Variants in FBN2 observed in about 807,000 individuals in gnomAD.
FBN2 encodes the protein fibrillin-2.
FBN2 carries 105 observed loss-of-function variants against 355.6 expected under a neutral mutation model. The observed-to-expected ratio is 0.30, with a 90% confidence interval of 0.25 to 0.35. The LOEUF (loss-of-function observed/expected upper bound fraction) is 0.35, where lower values mean the gene tolerates loss of function less well. Among genes scored for constraint, FBN2 ranks in the 10% least tolerant of loss-of-function variants. The pLI, the probability that FBN2 is intolerant of heterozygous loss-of-function variation, is 1.00. For synonymous variants in FBN2, 1,350 were observed against 1,301.2 expected (o/e 1.04, Z -0.81); for missense variants, 3,280 against 3,758.7 (o/e 0.87, Z 3.33).
rs187989192 is a variant in FBN2 at position 128,444,531 on chromosome 5, C to T, written c.952+1950G>A. ...CACTACTTCTTCCAATTCTGCTATT[C>T]CCCACCAATCCCAAATATTAAATCA... On this transcript the variant is annotated intron_variant, in intron 7 of 64. Coordinates refer to ENST00000262464, the MANE Select transcript of FBN2 (RefSeq NM_001999.4). 1.1e-4 allele frequency among the ~76,000 whole-genome samples: 16 copies of T among 152,326 alleles called. No homozygotes were observed. In the East Asian group the frequency reaches 2.9e-3, roughly 28 times the overall value.
intron 64 of FBN2, among the ~76,000 whole-genome samples, chr5:128,261,238 C>T (rs1020177182): frequency 2.0e-5 from 3 of 152,082 alleles, no homozygotes; most frequent in Non-Finnish European, 4.4e-5. Flanking sequence ...ATCAGTGGCT[C>T]GCAATTTCCA....
intron 12 of FBN2, 132 bp downstream of exon 12, chr5:128,378,639 G>A: frequency 2.2e-6 from 2 of 925,758 alleles, no homozygotes; most frequent in Middle Eastern, 4.3e-4. Flanking sequence ...ATCTCTGAGG[G>A]TATTACAAAT....
intron 8 of FBN2, among the ~76,000 whole-genome samples, chr5:128,400,532 T>C (rs898017002): frequency 1.8e-4 from 27 of 152,176 alleles, no homozygotes; most frequent in Admixed American, 1.4e-3. Flanking sequence ...TGGATATATC[T>C]ACAATCTGGC....
chr5:128,535,771 G>A (rs1237711540), intron 2 of FBN2, among the ~76,000 whole-genome samples: 1 of 150,800 alleles, frequency 6.6e-6, no homozygotes, highest in Non-Finnish European at 1.5e-5. Context: ...GCACACTATT[G>A]AGGTTCAGGG....
chr5:128,290,800 C>G lies in FBN2; in HGVS notation c.6377G>C (p.Cys2126Ser). 1 of 1,614,136 alleles carries G rather than the reference C, an allele frequency of 6.2e-7. No individual in the cohort carries two copies. The highest frequency in any genetic ancestry group is 8.5e-7 in the Non-Finnish European group (1 of 1,179,984). Residue 2126 changes from cysteine (C) to serine (S), a missense_variant, in exon 50 of 65, where the codon TGC (cysteine) becomes TCC (serine). By Grantham distance (112) the Cys-to-Ser change is moderately radical. This residue lies in a region of FBN2 where 2,284 missense variants were observed against 2,749.5 expected (regional missense o/e 0.83). Coordinates refer to ENST00000262464, the MANE Select transcript of FBN2 (RefSeq NM_001999.4). The stretch of plus-strand genomic sequence containing the variant: ...CTCTCCTGGCATCTTACTACAGCAG[C>G]ATTTTGCTTTTGTGGTGTTGAAAGC... ...PKAFNTTKAK[C>S]CCSKMPGEGW...
intron 5 of FBN2, among the ~76,000 whole-genome samples, chr5:128,501,925 C>G (rs989660955): frequency 6.6e-6 from 1 of 151,972 alleles, no homozygotes; most frequent in African/African-American, 2.4e-5. Flanking sequence ...AAAAATGACT[C>G]GAAGACACAA....
At position 128,519,336 on chromosome 5, in the gene FBN2, G is replaced by A. The variant is rs1756368297; in HGVS notation, c.565C>T (p.Arg189Cys). 1.2e-6 allele frequency: 2 copies of A among 1,613,758 alleles called. No homozygotes were observed. The highest frequency in any genetic ancestry group is 1.7e-6 in the Non-Finnish European group (2 of 1,179,932). ...VCENGCQNGG[R>C]CIGPNRCACV... ...GCACAGCGGTTGGGTCCGATGCAAC[G>A]TCCACCATTCTGACATCCATTTTCA... Residue 189 changes from arginine (R) to cysteine (C), a missense_variant, in exon 5 of 65, where the codon CGT (arginine) becomes TGT (cysteine). Arg to Cys is a radical substitution (Grantham distance 180). Transcript: ENST00000262464.
At chr5:128,531,532 A>C (rs1235423990) in intron 2 of FBN2, among the ~76,000 whole-genome samples, 1 of 152,138 alleles carries the variant, frequency 6.6e-6, no homozygotes. Context: ...GCAACTAAAT[A>C]CTACCTGTAC....
At chr5:128,334,874 T>G in intron 30 of FBN2, 30 bp from the exon 31 acceptor site, 1 of 1,580,910 alleles carries the variant, frequency 6.3e-7, no homozygotes, top group Non-Finnish European at 8.7e-7. Flanking sequence ...TATCTTAGTA[T>G]GTGCTCATCA....
At chr5:128,480,022 A>G (rs1474202987) in intron 5 of FBN2, among the ~76,000 whole-genome samples, 26 of 65,230 alleles carry the variant, frequency 4.0e-4, no homozygotes, top group Non-Finnish European at 2.8e-4. Flanking sequence ...ATATATATAT[A>G]TGTATATACA....
intron 5 of FBN2, among the ~76,000 whole-genome samples, chr5:128,510,238 T>C (rs1486466484): frequency 2.0e-5 from 3 of 152,110 alleles, no homozygotes; most frequent in African/African-American, 7.2e-5. Flanking sequence ...ACACTGACGA[T>C]AGCTGATGAC....
chr5:128,376,893 A>G (rs973882854), intron 13 of FBN2, 40 bp from the exon 14 acceptor site: 1 of 1,610,156 alleles, frequency 6.2e-7, no homozygotes, highest in Non-Finnish European at 8.5e-7. Context: ...ACTGGCCTTG[A>G]GGGAACCAAT....
At chr5:128,359,036 TAACTA>T (rs1449703681) in intron 19 of FBN2, among the ~76,000 whole-genome samples, 2 of 152,062 alleles carry the variant, frequency 1.3e-5, no homozygotes, top group Non-Finnish European at 2.9e-5. Context: ...GGTTTACATT[TAACTA>T]GTTATGTCAC....
At position 128,309,299 on chromosome 5, in the gene FBN2, A is replaced by G; in HGVS notation, c.5301T>C (p.Asn1767=). The G allele has an allele frequency of 6.2e-7, 1 of 1,614,156 alleles. No homozygotes were observed. Among genetic ancestry groups the G allele is most frequent in the Non-Finnish European group, 8.5e-7 (1 of 1,179,998 alleles). Residue 1767 remains asparagine, a synonymous_variant, in exon 41 of 65, where the codon AAT becomes AAC. Coordinates refer to ENST00000262464, the MANE Select transcript of FBN2 (RefSeq NM_001999.4). ...VTKRMCCCTY[N]VGKAWNKPCE... ...AAGGTTTGTTCCAGGCTTTGCCCAC[A>G]TTATATGTGCAGCAGCACATCCTTT...
intron 6 of FBN2, among the ~76,000 whole-genome samples, chr5:128,447,162 G>A (rs1253131295): frequency 6.6e-6 from 1 of 152,116 alleles, no homozygotes; most frequent in African/African-American, 2.4e-5. Context: ...GGCACAAATT[G>A]TTTAAACGAT....
chr5:128,303,120 ATT>A, intron 45 of FBN2, 31 bp from the exon 46 acceptor site: 1 of 1,317,534 alleles, frequency 7.6e-7, no homozygotes, highest in Non-Finnish European at 1.1e-6. Context: ...AAAAAATTCA[ATT>A]TTTAACTAGA....
intron 5 of FBN2, among the ~76,000 whole-genome samples, chr5:128,468,031 T>C (rs1483353989): frequency 1.3e-5 from 2 of 152,194 alleles, no homozygotes; most frequent in East Asian, 1.9e-4. Context: ...AGTAAATTTA[T>C]TGAATTATGC....
intron 2 of FBN2, among the ~76,000 whole-genome samples, chr5:128,535,901 G>A (rs1300015881): frequency 6.6e-6 from 1 of 151,456 alleles, no homozygotes; most frequent in East Asian, 1.9e-4. Context: ...AAATCCGCGA[G>A]AATGCTCCTT....
intron 5 of FBN2, among the ~76,000 whole-genome samples, chr5:128,512,999 A>G (rs1390942672): frequency 6.6e-6 from 1 of 152,190 alleles, no homozygotes; most frequent in Non-Finnish European, 1.5e-5. Flanking sequence ...CACATTTCTA[A>G]AGTTACATAG....
Sources: allele counts gnomAD v4.1 joint callset (sites outside exome capture counted in the v4.1 genomes callset), GRCh38; gene constraint gnomAD v4.1.1; regional missense constraint gnomAD v4.1.1; transcripts MANE v1.5; gene names NCBI Gene and HGNC (gene_info 2026-07-23, HGNC 2026-07-21).